Variants in CCDC158 observed in about 807,000 individuals in gnomAD.
CCDC158 encodes the protein coiled-coil domain containing 158.
Under a neutral mutation model 138.6 loss-of-function variants are expected in CCDC158, and 116 were observed. The observed-to-expected ratio is 0.84, with a 90% CI of 0.72 to 0.98. The LOEUF (loss-of-function observed/expected upper bound fraction) is 0.98, where lower values mean the gene tolerates loss of function less well. CCDC158 is among the 50% of genes least tolerant of loss of function. The probability of loss-of-function intolerance (pLI) is 0.00; values close to 1 mark genes in which losing one functional copy is unlikely to be tolerated. For missense variants in CCDC158, 1,265 were observed against 1,306.1 expected (o/e 0.97, Z 0.48); for synonymous variants, 436 against 442.4 (o/e 0.99, Z 0.18).
intron 18 of CCDC158, chr4:76,345,333 G>C: frequency 9.0e-7 from 1 of 1,116,382 alleles, no homozygotes; most frequent in Non-Finnish European, 1.4e-6. Flanking sequence ...CATTGATTAT[G>C]AGAACTCAAA....
intron 3 of CCDC158, among the ~76,000 whole-genome samples, chr4:76,397,945 C>T (rs886078466): frequency 6.6e-6 from 1 of 152,102 alleles, no homozygotes; most frequent in Non-Finnish European, 1.5e-5. Flanking sequence ...GAGCCTGAAA[C>T]GTTTTGATGT....
chr4:76,328,786 G>A (rs1003797592), intron 22 of CCDC158, 114 bp downstream of exon 22: 2 of 775,994 alleles, frequency 2.6e-6, no homozygotes, highest in Admixed American at 2.0e-5. Context: ...AGCAGGAAAT[G>A]AGGCCAGAGA....
intron 12 of CCDC158, among the ~76,000 whole-genome samples, chr4:76,364,812 C>A (rs1724498420): frequency 6.6e-6 from 1 of 152,212 alleles, no homozygotes; most frequent in South Asian, 2.1e-4. Flanking sequence ...ACTGTGGAGA[C>A]CAATGATACA....
At chr4:76,388,649 GC>G (rs1197792618) in intron 4 of CCDC158, among the ~76,000 whole-genome samples, 1 of 152,118 alleles carries the variant, frequency 6.6e-6, no homozygotes, top group Non-Finnish European at 1.5e-5. Context: ...CATGCACAGG[GC>G]CTAGGGGATC....
upstream of CCDC158, among the ~76,000 whole-genome samples, chr4:76,421,290 C>A (rs1730108582): frequency 6.6e-6 from 1 of 152,148 alleles, no homozygotes; most frequent in Admixed American, 6.5e-5. Flanking sequence ...GGCGGGGACC[C>A]CTCCCGCGCC....
intron 9 of CCDC158, among the ~76,000 whole-genome samples, chr4:76,376,825 A>G (rs1426307324): frequency 6.6e-6 from 1 of 152,228 alleles, no homozygotes; most frequent in Admixed American, 6.5e-5. Context: ...ACTGTGGTGT[A>G]TTATAAATCT....
chr4:76,325,936 A>C lies in CCDC158; in HGVS notation c.3090T>G (p.Thr1030=). 6.2e-7 allele frequency: 1 copy of C among 1,613,432 alleles called. No individual in the cohort carries two copies. The highest frequency in any genetic ancestry group is 8.5e-7 in the Non-Finnish European group (1 of 1,179,382). ...AACCTATTGAACCTTCAACTGAACTAGTTAGGAGTGAGTGCACTGGAGACT... is the reference window on the plus strand; with the variant it reads ...AACCTATTGAACCTTCAACTGAACTCGTTAGGAGTGAGTGCACTGGAGACT... ...PKKSPVHSLL[T]SSVEGSIGST... is the part of the protein sequence containing the mutation. Residue 1030 remains threonine (T), a synonymous_variant, in exon 23 of 25, where the codon ACT becomes ACG. Coordinates refer to ENST00000682701, the MANE Select transcript of CCDC158 (RefSeq NM_001394954.1).
chr4:76,337,529 G>A (rs919796876), intron 18 of CCDC158, among the ~76,000 whole-genome samples: 11 of 152,052 alleles, frequency 7.2e-5, no homozygotes, highest in African/African-American at 2.7e-4. Context: ...TCAGGAGCTC[G>A]AGACCAGCCT....
intron 14 of CCDC158, 83 bp downstream of exon 14, chr4:76,357,291 A>G (rs780352802): frequency 6.8e-5 from 58 of 853,086 alleles, no homozygotes; most frequent in Non-Finnish European, 9.0e-5. Flanking sequence ...GGTGGTAGGT[A>G]ACGTATTTGA....
intron 8 of CCDC158, among the ~76,000 whole-genome samples, chr4:76,381,134 T>C (rs1056196796): frequency 6.6e-6 from 1 of 152,156 alleles, no homozygotes; most frequent in South Asian, 2.1e-4. Context: ...GGAGGGGAAA[T>C]GTGGGGTTGG....
chr4:76,319,197 G>A (rs1342773205), intron 24 of CCDC158, among the ~76,000 whole-genome samples: 6 of 151,554 alleles, frequency 4.0e-5, no homozygotes, highest in Non-Finnish European at 7.4e-5. Flanking sequence ...GTGTGAACCC[G>A]GGAGGCAGAG....
Position 76,328,721 on chromosome 4 carries a change from C to T in CCDC158, c.3010+179G>A, listed in dbSNP as rs765863150. On this transcript the variant is annotated intron_variant, in intron 22 of 24. Transcript: ENST00000682701. ...AAGCCCTAACATGGAAGCTGCCTGA[C>T]GTGTTCAAGGAACAGTTTGAGAGTG... Among the ~76,000 whole-genome samples, 5 of 152,124 alleles carry T rather than the reference C, an allele frequency of 3.3e-5. No individual in the cohort carries two copies. In the East Asian group the frequency reaches 5.8e-4, roughly 18 times the overall value.
chr4:76,417,008 A>G (rs1729752049), intron 1 of CCDC158, among the ~76,000 whole-genome samples: 1 of 152,198 alleles, frequency 6.6e-6, no homozygotes, highest in South Asian at 2.1e-4. Flanking sequence ...GAAAAGCTGC[A>G]GACACTCAAC....
rs1021583695 is a variant in CCDC158 at position 76,357,665 on chromosome 4, A to G, written c.2021-139T>C. On this transcript the variant is annotated intron_variant, in intron 13 of 24. Transcript: ENST00000682701. ...ATTTAATTACATCTTCCTTTGTTAC[A>G]GAAATGAGATGTACATACACAATTC... 6 of 589,738 alleles carry G rather than the reference A, an allele frequency of 1.0e-5. No homozygotes were observed. The African/African-American group carries it at 1.2e-4, about 11-fold the overall frequency. 36.5% of individuals were successfully genotyped at this position (589,738 alleles called of 1,614,324 possible). A position where few individuals can be genotyped will look rare whatever the true frequency, so the allele number is the denominator to read the frequency against.
chr4:76,395,133 C>T (rs1391326790), intron 4 of CCDC158, among the ~76,000 whole-genome samples: 1 of 152,028 alleles, frequency 6.6e-6, no homozygotes, highest in African/African-American at 2.4e-5. Flanking sequence ...ACATAGAAAA[C>T]AAATTAAGAC....
At chr4:76,383,049 T>G (rs1429713755) in intron 7 of CCDC158, among the ~76,000 whole-genome samples, 1 of 152,194 alleles carries the variant, frequency 6.6e-6, no homozygotes, top group East Asian at 1.9e-4. Context: ...TTTATAAGTA[T>G]TCACACTAAA....
In CCDC158 at chr4:76,325,981, T is replaced by C; in HGVS notation, c.3045A>G (p.Ser1015=). 3 of 1,613,088 alleles carry C rather than the reference T, an allele frequency of 1.9e-6. No homozygotes were observed. The highest frequency in any genetic ancestry group is 2.5e-6 in the Non-Finnish European group (3 of 1,179,554). ...GAGACTTCTTAGGAGAAGAATTGAA[T>C]GAACGAGAAGCTGAGTTTTTCACAG... ...SPSVKNSASR[S]FNSSPKKSPV... is the part of the protein sequence containing the mutation. Residue 1015 remains serine, a synonymous_variant, in exon 23 of 25, where the codon TCA becomes TCG. Coordinates refer to ENST00000682701, the MANE Select transcript of CCDC158 (RefSeq NM_001394954.1).
intron 9 of CCDC158, among the ~76,000 whole-genome samples, chr4:76,376,593 T>C (rs1217218110): frequency 6.6e-6 from 1 of 152,222 alleles, no homozygotes; most frequent in Non-Finnish European, 1.5e-5. Context: ...AAACATTTTA[T>C]AACAATACAA....
chr4:76,413,207 A>C (rs952217456), intron 1 of CCDC158, among the ~76,000 whole-genome samples: 5 of 151,932 alleles, frequency 3.3e-5, no homozygotes, highest in African/African-American at 1.2e-4. Context: ...TAAAAAAATG[A>C]ATGAGCCTGT....
Sources: allele counts gnomAD v4.1 joint callset (sites outside exome capture counted in the v4.1 genomes callset), GRCh38; gene constraint gnomAD v4.1.1; transcripts MANE v1.5; gene names NCBI Gene and HGNC (gene_info 2026-07-23, HGNC 2026-07-21).